TACC2: variants seen among roughly 807,000 people sequenced by gnomAD.
The protein encoded by TACC2 is transforming acidic coiled-coil containing protein 2, also known as transforming acidic coiled-coil-containing protein 2.
TACC2 carries 137 observed loss-of-function variants against 227.3 expected under a neutral mutation model. That is an observed-to-expected ratio of 0.60 (90% CI 0.52 to 0.69). TACC2 has a LOEUF of 0.69. Ranked by LOEUF, TACC2 falls within the 30% of genes least tolerant of loss-of-function variation. The pLI, the probability that TACC2 is intolerant of heterozygous loss-of-function variation, is 0.00. For missense variants in TACC2, 3,470 were observed against 3,694.4 expected, an observed-to-expected ratio of 0.94 and a Z score of 1.57; for synonymous variants, 1,523 against 1,487.5, an observed-to-expected ratio of 1.02 and a Z score of -0.55.
intron 7 of TACC2, among the ~76,000 whole-genome samples, chr10:122,155,833 A>ATTTTT (rs66559186): frequency 5.9e-5 from 7 of 118,298 alleles, no homozygotes; most frequent in Admixed American, 2.0e-4. Context: ...TAGTGGGAAA[A>ATTTTT]TTTTTTTTTT....
intron 7 of TACC2, among the ~76,000 whole-genome samples, chr10:122,173,258 T>C (rs542022186): frequency 6.6e-6 from 1 of 152,258 alleles, no homozygotes; most frequent in East Asian, 1.9e-4. Context: ...GCTGACTTAC[T>C]CCTGTGGCTT....
intron 3 of TACC2, 31 bp from the exon 4 acceptor site, chr10:122,082,616 T>C (rs17102996): frequency 0.022 from 35,289 of 1,576,804 alleles, 751 homozygotes; most frequent in South Asian, 0.094. Flanking sequence ...TTGGCATCCA[T>C]GATAACCAAT....
chr10:122,037,798 G>C (rs992433494), intron 2 of TACC2, among the ~76,000 whole-genome samples: 1 of 152,244 alleles, frequency 6.6e-6, no homozygotes, highest in African/African-American at 2.4e-5. Flanking sequence ...TCAAGGGGCA[G>C]AGCCCCTTAG....
In TACC2 at chr10:122,210,420, G is replaced by A; in HGVS notation, c.5995G>A (p.Val1999Ile). 2 of 1,614,100 alleles carry A rather than the reference G, an allele frequency of 1.2e-6. No individual in the cohort carries two copies. Among genetic ancestry groups the A allele is most frequent in the African/African-American group, 1.3e-5 (1 of 75,032 alleles). Residue 1999 changes from valine (V) to isoleucine (I), a missense_variant, in exon 9 of 23, where the codon GTC (valine) becomes ATC (isoleucine). This residue lies in a region of TACC2 where 593 missense variants were observed against 636.6 expected (regional missense o/e 0.93). Coordinates refer to ENST00000369005, the MANE Select transcript of TACC2 (RefSeq NM_206862.4). The surrounding 1 kb of genome is among the most constrained non-coding windows in gnomAD (Gnocchi z 4.6). The stretch of plus-strand genomic sequence containing the variant: ...AGGATGTGGTTCTGAGACAGTCCCT[G>A]TCCCTGATGGCCCACGGAGCGACTC... ...EPGCGSETVPVPDGPRSDSVE... is the reference protein window; with the variant it reads ...EPGCGSETVPIPDGPRSDSVE...
intron 5 of TACC2, among the ~76,000 whole-genome samples, chr10:122,096,054 G>T (rs2081347298): frequency 6.6e-6 from 1 of 152,198 alleles, no homozygotes; most frequent in Non-Finnish European, 1.5e-5. Context: ...CATTTCTCAA[G>T]CACCTGCTGG....
rs978156372 is a variant in TACC2, at chr10:122,163,797, G to C, written c.5834+20091G>C. 142 of 1,240,912 alleles carry C rather than the reference G, an allele frequency of 1.1e-4. 1 individual carries two copies. Among genetic ancestry groups the C allele is most frequent in the Middle Eastern group, 9.3e-4 (3 of 3,232 alleles). 76.9% of individuals were successfully genotyped at this position (1,240,912 alleles called of 1,614,324 possible). A position where few individuals can be genotyped will look rare whatever the true frequency, so the allele number is the denominator to read the frequency against. On this transcript the variant is annotated intron_variant, in intron 7 of 22. Coordinates refer to ENST00000369005, the MANE Select transcript of TACC2 (RefSeq NM_206862.4). ...GCCGCTCCCGCCGCCACGGATGCCCGCAGCTGCTCCCCTCTGCAGTGCAGC... is the reference window on the plus strand; with the variant it reads ...GCCGCTCCCGCCGCCACGGATGCCCCCAGCTGCTCCCCTCTGCAGTGCAGC...
At chr10:122,058,372 C>T (rs967384482) in intron 3 of TACC2, among the ~76,000 whole-genome samples, 2 of 152,030 alleles carry the variant, frequency 1.3e-5, no homozygotes, top group African/African-American at 2.4e-5. Context: ...TCCCAGCCTG[C>T]GGGATGGATG....
intron 11 of TACC2, among the ~76,000 whole-genome samples, chr10:122,218,102 G>A (rs376785873): frequency 3.3e-5 from 5 of 152,014 alleles, no homozygotes; most frequent in South Asian, 2.1e-4. Context: ...GCACCACCAC[G>A]CCCAGCTAAT....
At chr10:122,013,735 C>A (rs918707674) in intron 1 of TACC2, among the ~76,000 whole-genome samples, 1 of 152,180 alleles carries the variant, frequency 6.6e-6, no homozygotes, top group Non-Finnish European at 1.5e-5. Flanking sequence ...CAGTTCTGAT[C>A]TGAGCTTGCT....
intron 7 of TACC2, among the ~76,000 whole-genome samples, chr10:122,145,580 T>C (rs2091268646): frequency 6.6e-6 from 1 of 152,210 alleles, no homozygotes; most frequent in Admixed American, 6.5e-5. Context: ...TCTGTAAAAT[T>C]TGTGGAACTA....
chr10:122,218,384 T>C (rs1042898166), intron 11 of TACC2, among the ~76,000 whole-genome samples: 20 of 152,114 alleles, frequency 1.3e-4, no homozygotes, highest in Middle Eastern at 3.2e-3. Flanking sequence ...GGAGTGGTGG[T>C]GTCATGAGGG....
At position 122,050,598 on chromosome 10, in the gene TACC2, C is replaced by A; in HGVS notation, c.146+48C>A. 1.4e-6 allele frequency: 2 copies of A among 1,432,700 alleles called. No individual in the cohort carries two copies. The highest frequency in any genetic ancestry group is 2.0e-6 in the Non-Finnish European group (2 of 1,020,658). 88.7% of individuals were successfully genotyped at this position (1,432,700 alleles called of 1,614,324 possible). ...CTGATGCAGCCCAAGGACTGCCCCG[C>A]TCATTGCCTGCTCCAGCATTAGCTT... On this transcript the variant is annotated intron_variant, in intron 3 of 22. Coordinates refer to ENST00000369005, the MANE Select transcript of TACC2 (RefSeq NM_206862.4). The surrounding 1 kb of genome is among the most constrained non-coding windows in gnomAD (Gnocchi z 4.6).
At chr10:122,088,389 A>G in intron 4 of TACC2, 89 bp from the exon 5 acceptor site, 2 of 1,265,794 alleles carry the variant, frequency 1.6e-6, no homozygotes, top group East Asian at 5.1e-5. Flanking sequence ...TAAAACTTTA[A>G]TTGAGAAATC....
chr10:122,080,736 A>C (rs1050027879), intron 3 of TACC2, among the ~76,000 whole-genome samples: 1 of 152,142 alleles, frequency 6.6e-6, no homozygotes, highest in Non-Finnish European at 1.5e-5. Context: ...GCACTTCACC[A>C]TCTCACTGTA....
intron 7 of TACC2, among the ~76,000 whole-genome samples, chr10:122,182,469 A>G (rs1233604094): frequency 6.6e-6 from 1 of 152,160 alleles, no homozygotes; most frequent in African/African-American, 2.4e-5. Flanking sequence ...TGCAAACTGC[A>G]TGTAAGGTGT....
Position 122,210,046 on chromosome 10 carries a change from G to C in TACC2, c.5972-351G>C, listed in dbSNP as rs1471075691. 1 of 260,560 alleles carries C rather than the reference G, an allele frequency of 3.8e-6. No homozygotes were observed. Among genetic ancestry groups the C allele is most frequent in the East Asian group, 8.8e-5 (1 of 11,390 alleles). The allele number at this position is 260,560 out of a possible 1,614,324, so 16.1% of individuals were successfully genotyped here. A position where few individuals can be genotyped will look rare whatever the true frequency, so the allele number is the denominator to read the frequency against. ...AGAATGTGACTTCCAGGAAGGGAAAGGTTTTGTCTATTTCTGTTCCTTGTT... is the reference window on the plus strand; with the variant it reads ...AGAATGTGACTTCCAGGAAGGGAAACGTTTTGTCTATTTCTGTTCCTTGTT... On this transcript the variant is annotated intron_variant, in intron 8 of 22. Transcript: ENST00000369005. This position sits in a 1 kb window ranked among gnomAD's most constrained non-coding sequence, Gnocchi z 4.6.
In TACC2 at chr10:122,085,381, G is replaced by A. The variant is rs376454944; in HGVS notation, c.2881G>A (p.Val961Ile). 6.8e-6 allele frequency: 11 copies of A among 1,613,970 alleles called. No homozygotes were observed. The East Asian group carries it at 2.5e-4, about 36-fold the overall frequency. Reference sequence around the variant, plus strand: ...ATGCGGTGATGGTCAGTCCTCGAGGGTCTCGCCTCCAGCAGCAGATGTCTT... The same window carrying A: ...ATGCGGTGATGGTCAGTCCTCGAGGATCTCGCCTCCAGCAGCAGATGTCTT... ...GACGDGQSSR[V>I]SPPAADVLKD... Residue 961 changes from valine to isoleucine, a missense_variant, in exon 4 of 23, where the codon GTC (valine) becomes ATC (isoleucine). By Grantham distance (29) the Val-to-Ile change is conservative. This residue lies in a region of TACC2 where 1,924 missense variants were observed against 1,978.3 expected (regional missense o/e 0.97). Coordinates refer to ENST00000369005, the MANE Select transcript of TACC2 (RefSeq NM_206862.4).
chr10:122,030,673 C>A (rs1438156914), intron 2 of TACC2, among the ~76,000 whole-genome samples: 3 of 151,160 alleles, frequency 2.0e-5, no homozygotes, highest in African/African-American at 7.3e-5. Context: ...CTTCTCCAAC[C>A]TCAGCCAGAC....
chr10:122,198,021 G>A lies in TACC2; in HGVS notation c.5971+2845G>A, dbSNP rs895209095. Among the ~76,000 whole-genome samples the A allele has an allele frequency of 2.6e-5, 4 of 152,238 alleles. 1 individual carries two copies. Among genetic ancestry groups the A allele is most frequent in the Non-Finnish European group, 5.9e-5 (4 of 68,044 alleles). On this transcript the variant is annotated intron_variant, in intron 8 of 22. Coordinates refer to ENST00000369005, the MANE Select transcript of TACC2 (RefSeq NM_206862.4). ...GTTTACTTTCCTCTGCACAGTGCCCGGGATGTTGCGAAAGGTGCTGTGGGA... is the reference window on the plus strand; with the variant it reads ...GTTTACTTTCCTCTGCACAGTGCCCAGGATGTTGCGAAAGGTGCTGTGGGA...
Sources: allele counts gnomAD v4.1 joint callset (sites outside exome capture counted in the v4.1 genomes callset), GRCh38; gene constraint gnomAD v4.1.1; regional missense constraint gnomAD v4.1.1; non-coding constraint Gnocchi (gnomAD v3.1); transcripts MANE v1.5; gene names NCBI Gene and HGNC (gene_info 2026-07-23, HGNC 2026-07-21).